The following RGS6 variants were observed in gnomAD, a reference collection of about 807,000 sequenced individuals.
The protein encoded by RGS6 is regulator of G protein signaling 6.
Under a neutral mutation model 78.5 loss-of-function variants are expected in RGS6, and 30 were observed. The ratio of observed to expected loss-of-function variants is 0.38; its 90% CI spans 0.29 to 0.52. The LOEUF is 0.52. RGS6 is among the 20% of genes least tolerant of loss of function. The probability of loss-of-function intolerance (pLI) is 0.85; values close to 1 mark genes in which losing one functional copy is unlikely to be tolerated. For missense variants in RGS6, 495 were observed against 609.7 expected (o/e 0.81, Z 1.98); for synonymous variants, 206 against 206.0 (o/e 1.00, Z 0.00).
At chr14:72,509,651 G>A (rs1271679912) in intron 13 of RGS6, among the ~76,000 whole-genome samples, 3 of 152,220 alleles carry the variant, frequency 2.0e-5, no homozygotes, top group African/African-American at 7.2e-5. Context: ...TCTAACAAGA[G>A]AATATGCTTT....
chr14:72,303,445 G>A (rs2152419838), intron 2 of RGS6, among the ~76,000 whole-genome samples: 1 of 152,292 alleles, frequency 6.6e-6, no homozygotes, highest in South Asian at 2.1e-4. Flanking sequence ...AGGTTGCAGT[G>A]AGCTGAGATT....
At chr14:72,365,446 C>T (rs1405271096) in intron 3 of RGS6, among the ~76,000 whole-genome samples, 1 of 152,170 alleles carries the variant, frequency 6.6e-6, no homozygotes, top group Non-Finnish European at 1.5e-5. Context: ...GTCCACGAGT[C>T]CCTTTAAAGC....
intron 2 of RGS6, among the ~76,000 whole-genome samples, chr14:72,065,582 T>G (rs1252160261): frequency 6.6e-6 from 1 of 152,162 alleles, no homozygotes; most frequent in East Asian, 1.9e-4. Context: ...ATTGCCATAT[T>G]CTTCTTGTCC....
the RGS6 span, among the ~76,000 whole-genome samples, chr14:71,877,970 G>C: frequency 6.6e-6 from 1 of 152,184 alleles, no homozygotes; most frequent in Admixed American, 6.5e-5. Context: ...ATTTGCCTGG[G>C]TATCACCAGC....
At position 72,232,374 on chromosome 14, in the gene RGS6, AG is replaced by A. The variant is rs564135710; in HGVS notation, c.85-119719del. ...AGAAAGAGGAGCATTAGCTGCATGC[AG>A]GCAGGTGCTTGAGGCTCCTGCCTCT... is the stretch of plus-strand genomic sequence containing the variant. On this transcript the variant is annotated intron_variant, in intron 2 of 17. Coordinates refer to ENST00000553525, the MANE Select transcript of RGS6 (RefSeq NM_001204424.2). Among the ~76,000 whole-genome samples the A allele has an allele frequency of 2.2e-4, 34 of 152,326 alleles. 1 individual carries two copies. In the East Asian group the frequency reaches 6.4e-3, roughly 29 times the overall value.
intron 3 of RGS6, among the ~76,000 whole-genome samples, chr14:72,446,748 G>T (rs984607688): frequency 4.6e-5 from 7 of 152,198 alleles, no homozygotes; most frequent in African/African-American, 7.2e-5. Context: ...GCACCTGGGG[G>T]GTGATGGGAG....
At chr14:72,283,878 C>T (rs779373251) in intron 2 of RGS6, among the ~76,000 whole-genome samples, 7 of 152,180 alleles carry the variant, frequency 4.6e-5, no homozygotes, top group Non-Finnish European at 1.0e-4. Flanking sequence ...TGTTGAATGG[C>T]TTTGACCAAA....
the RGS6 span, among the ~76,000 whole-genome samples, chr14:71,883,762 T>C: frequency 4.9e-4 from 75 of 152,306 alleles, no homozygotes; most frequent in Non-Finnish European, 8.5e-4. Flanking sequence ...ATGCTAATTA[T>C]AATGTATTAG....
At chr14:72,368,484 A>C (rs981962657) in intron 3 of RGS6, among the ~76,000 whole-genome samples, 1 of 152,194 alleles carries the variant, frequency 6.6e-6, no homozygotes, top group Non-Finnish European at 1.5e-5. Context: ...TCCAGATTAG[A>C]AAACCAAAGA....
rs377514860 is a variant in RGS6 at position 72,545,219 on chromosome 14, T to C, written c.1422+5125T>C. ...GGGACCACTGGGTCACAAACATTAG[T>C]GCCAGCCTCTCCCATCTCAGAGCAC... On this transcript the variant is annotated intron_variant, in intron 17 of 17. Coordinates refer to ENST00000553525, the MANE Select transcript of RGS6 (RefSeq NM_001204424.2). 4.6e-5 allele frequency among the ~76,000 whole-genome samples: 7 copies of C among 152,236 alleles called. No homozygotes were observed. In the East Asian group the frequency reaches 7.7e-4, roughly 17 times the overall value.
chr14:72,611,120 C>T, the RGS6 span, among the ~76,000 whole-genome samples: 4 of 152,182 alleles, frequency 2.6e-5, no homozygotes, highest in Non-Finnish European at 5.9e-5. Flanking sequence ...GGGCCACCCC[C>T]CACAGAGAAG....
intron 2 of RGS6, among the ~76,000 whole-genome samples, chr14:72,204,866 T>C (rs1423650267): frequency 6.6e-6 from 1 of 152,178 alleles, no homozygotes; most frequent in Non-Finnish European, 1.5e-5. Context: ...GCTGTACTTA[T>C]ATCCAGGGGG....
At chr14:72,050,748 C>T (rs1027899518) in intron 2 of RGS6, among the ~76,000 whole-genome samples, 8 of 152,136 alleles carry the variant, frequency 5.3e-5, no homozygotes, top group African/African-American at 1.9e-4. Context: ...CTTTTTTAAA[C>T]CAAACATGAA....
intron 2 of RGS6, among the ~76,000 whole-genome samples, chr14:72,078,419 C>G (rs1380057846): frequency 6.7e-6 from 1 of 148,264 alleles, no homozygotes; most frequent in East Asian, 2.0e-4. Flanking sequence ...TTCTTTCTTT[C>G]TTTTTTTTTT....
At chr14:72,550,589 G>T in intron 17 of RGS6, 1 of 1,535,130 alleles carries the variant, frequency 6.5e-7, no homozygotes, top group East Asian at 2.4e-5. Flanking sequence ...AAGTGGTGGG[G>T]GAATTCTGAT....
At chr14:72,325,376 T>G (rs559346679) in intron 2 of RGS6, among the ~76,000 whole-genome samples, 28 of 152,206 alleles carry the variant, frequency 1.8e-4, no homozygotes, top group Non-Finnish European at 4.1e-4. Flanking sequence ...CATTTCTCAA[T>G]TTTGGCTTTT....
At chr14:72,074,842 T>TA (rs558589287) in intron 2 of RGS6, among the ~76,000 whole-genome samples, 197 of 152,350 alleles carry the variant, frequency 1.3e-3, no homozygotes, top group African/African-American at 4.5e-3. Flanking sequence ...GTTTTTTCTT[T>TA]AAACTATTTG....
chr14:72,595,594 T>C, the RGS6 span, among the ~76,000 whole-genome samples: 1 of 152,194 alleles, frequency 6.6e-6, no homozygotes, highest in Non-Finnish European at 1.5e-5. Flanking sequence ...TCCTCCCTTT[T>C]CTTTAGGGTG....
intron 3 of RGS6, among the ~76,000 whole-genome samples, chr14:72,361,900 C>T (rs2081533255): frequency 6.6e-6 from 1 of 152,110 alleles, no homozygotes; most frequent in Non-Finnish European, 1.5e-5. Context: ...ACTTATCTAC[C>T]TGTAAACCCC....
Sources: gnomAD v4.1 joint callset for allele counts (sites outside exome capture counted in the v4.1 genomes callset) on GRCh38, gnomAD v4.1.1 for gene constraint, MANE v1.5 for transcripts, NCBI Gene and HGNC (gene_info 2026-07-23, HGNC 2026-07-21) for gene names.